Variants in C19orf47 observed in about 807,000 individuals in gnomAD.
C19orf47 encodes uncharacterized protein C19orf47.
A neutral mutation model predicts 32.3 loss-of-function variants in C19orf47; 18 were observed. The observed-to-expected ratio is 0.56, with a 90% CI of 0.39 to 0.83. C19orf47 has a LOEUF of 0.83. Among genes scored for constraint, C19orf47 ranks in the 40% least tolerant of loss-of-function variants. The pLI is 0.00. For missense variants in C19orf47, 484 were observed against 531.6 expected, an observed-to-expected ratio of 0.91 and a Z score of 0.88; for synonymous variants, 202 against 211.1, an observed-to-expected ratio of 0.96 and a Z score of 0.37.
chr19:40,321,738 G>A lies in C19orf47; in HGVS notation c.*144C>T, dbSNP rs187661182. On this transcript the variant is annotated 3_prime_UTR_variant, in exon 9 of 9. Transcript: ENST00000683109. ...GCTAGGAGAAATGGGGTGATCCCCC[G>A]AATGCTCGGGCCTAGCTCTAGAGCC... 24 of 1,431,042 alleles carry A rather than the reference G, an allele frequency of 1.7e-5. No individual in the cohort carries two copies. The highest frequency in any genetic ancestry group is 1.5e-4 in the East Asian group (6 of 39,666). 88.6% of individuals were successfully genotyped at this position (1,431,042 alleles called of 1,614,324 possible).
intron 7 of C19orf47, 142 bp from the exon 8 acceptor site, chr19:40,324,218 A>C: frequency 1.3e-6 from 1 of 793,060 alleles, no homozygotes; most frequent in Non-Finnish European, 2.1e-6. Context: ...TGTTATGTCT[A>C]CACTGTTGGC....
At chr19:40,310,844 G>C in the C19orf47 span, among the ~76,000 whole-genome samples, 1 of 152,076 alleles carries the variant, frequency 6.6e-6, no homozygotes, top group Non-Finnish European at 1.5e-5. Context: ...GATGACTGAC[G>C]GATCCAGAGT....
At chr19:40,296,775 G>A in the C19orf47 span, among the ~76,000 whole-genome samples, 8 of 152,020 alleles carry the variant, frequency 5.3e-5, no homozygotes, top group Middle Eastern at 3.4e-3. Flanking sequence ...TTAGCTGGGC[G>A]TGGTGGCGGG....
chr19:40,331,784 C>A (rs1035754173), intron 5 of C19orf47, among the ~76,000 whole-genome samples: 1 of 152,104 alleles, frequency 6.6e-6, no homozygotes, highest in East Asian at 1.9e-4. Context: ...TGGCTGTAAT[C>A]CCAACACTTT....
intron 1 of C19orf47, among the ~76,000 whole-genome samples, chr19:40,346,574 T>C (rs1394291619): frequency 6.8e-6 from 1 of 147,910 alleles, no homozygotes; most frequent in African/African-American, 2.5e-5. Context: ...TCGCCCAGGC[T>C]GGAGTGCAGT....
chr19:40,328,334 T>G, intron 6 of C19orf47, 79 bp downstream of exon 6: 1 of 1,568,506 alleles, frequency 6.4e-7, no homozygotes, highest in Non-Finnish European at 8.6e-7. Context: ...CTTACAATAT[T>G]GGAAGCATGA....
Position 40,321,427 on chromosome 19 carries a change from G to A in C19orf47, c.*455C>T, listed in dbSNP as rs1202589439. 14 of 998,846 alleles carry A rather than the reference G, an allele frequency of 1.4e-5. No individual in the cohort carries two copies. The highest frequency in any genetic ancestry group is 1.7e-5 in the Non-Finnish European group (14 of 838,226). The allele number at this position is 998,846 out of a possible 1,614,324, so 61.9% of individuals were successfully genotyped here. A position where few individuals can be genotyped will look rare whatever the true frequency, so the allele number is the denominator to read the frequency against. ...AGAGAGAGAAGTCACAGCAGTGGGGGGAGGCGCAGAGGAGTGAGGGAGGTC... is the reference window on the plus strand; with the variant it reads ...AGAGAGAGAAGTCACAGCAGTGGGGAGAGGCGCAGAGGAGTGAGGGAGGTC... On this transcript the variant is annotated 3_prime_UTR_variant, in exon 9 of 9. Coordinates refer to ENST00000683109, the MANE Select transcript of C19orf47 (RefSeq NM_001256441.2).
rs2077832150 is a variant in C19orf47, at chr19:40,326,470, C to T, written c.456G>A (p.Arg152=). ...CAGGAACAGCCAGGCTCTCCTCCTC[C>T]CGGCGGGCCAGGGCTGCTGGGGGAA... is the stretch of plus-strand genomic sequence containing the variant. ...SAKATAALAR[R]EEESLAVPAK... is the part of the protein sequence containing the mutation. The change falls in exon 7 of 9, where the codon CGG becomes CGA. Residue 152 remains arginine, a synonymous_variant. Coordinates refer to ENST00000683109, the MANE Select transcript of C19orf47 (RefSeq NM_001256441.2). 1.9e-6 allele frequency: 3 copies of T among 1,613,722 alleles called. No individual in the cohort carries two copies. The East Asian group carries it at 6.7e-5, about 36-fold the overall frequency.
At chr19:40,339,087 A>G (rs1469055540) in intron 2 of C19orf47, 1 of 152,892 alleles carries the variant, frequency 6.5e-6, no homozygotes, top group Non-Finnish European at 1.5e-5. Context: ...AGCAGTAGGA[A>G]GGGAGAAGGA....
At chr19:40,338,290 C>CACACAA (rs933172431) in intron 2 of C19orf47, among the ~76,000 whole-genome samples, 5 of 135,662 alleles carry the variant, frequency 3.7e-5, no homozygotes, top group Admixed American at 7.4e-5. Flanking sequence ...CACACACACA[C>CACACAA]AAATATATAT....
At chr19:40,302,844 TC>T in the C19orf47 span, among the ~76,000 whole-genome samples, 1 of 152,206 alleles carries the variant, frequency 6.6e-6, no homozygotes, top group Non-Finnish European at 1.5e-5. Context: ...AAGTAAGACT[TC>T]CTTTCCTGAA....
intron 1 of C19orf47, 111 bp downstream of exon 1, chr19:40,348,213 A>T: frequency 1.5e-6 from 1 of 679,062 alleles, no homozygotes; most frequent in African/African-American, 1.9e-5. Context: ...CAAAGAAACA[A>T]ATCGTAAGTC....
chr19:40,315,292 C>CT (rs1600153766), downstream of C19orf47, among the ~76,000 whole-genome samples: 1 of 152,198 alleles, frequency 6.6e-6, no homozygotes, highest in African/African-American at 2.4e-5. Context: ...TTAGGAGTAA[C>CT]TGAGCGTGGG....
At chr19:40,314,881 T>C (rs1004329018), downstream of C19orf47, among the ~76,000 whole-genome samples, 1 of 152,192 alleles carries the variant, frequency 6.6e-6, no homozygotes, top group Admixed American at 6.5e-5. Context: ...GAAATGACAC[T>C]TCCCCTTTGA....
chr19:40,338,037 G>A (rs1568622242), intron 2 of C19orf47, among the ~76,000 whole-genome samples: 8 of 152,012 alleles, frequency 5.3e-5, no homozygotes, highest in East Asian at 1.9e-4. Flanking sequence ...TAGATTAGTG[G>A]TTGCTAGGGG....
intron 5 of C19orf47, 33 bp from the exon 6 acceptor site, chr19:40,328,583 G>C (rs2077884722): frequency 6.3e-7 from 1 of 1,578,740 alleles, no homozygotes; most frequent in Non-Finnish European, 8.6e-7. Flanking sequence ...CGGTCGGGTG[G>C]GGTCCTGGAA....
At chr19:40,312,731 A>G in the C19orf47 span, among the ~76,000 whole-genome samples, 1 of 152,178 alleles carries the variant, frequency 6.6e-6, no homozygotes, top group Non-Finnish European at 1.5e-5. Context: ...TATCTGAGGA[A>G]GTTTTAAGAC....
chr19:40,294,659 T>C, the C19orf47 span, among the ~76,000 whole-genome samples: 2 of 152,220 alleles, frequency 1.3e-5, no homozygotes, highest in African/African-American at 2.4e-5. Flanking sequence ...GAGGTGCTCC[T>C]TGGGTCTTGT....
chr19:40,342,587 G>A (rs974960969), intron 1 of C19orf47: 1 of 152,418 alleles, frequency 6.6e-6, no homozygotes, highest in African/African-American at 2.4e-5. Flanking sequence ...GAGTAAACAA[G>A]CCAAACAGTT....
Sources: allele counts gnomAD v4.1 joint callset (sites outside exome capture counted in the v4.1 genomes callset), GRCh38; gene constraint gnomAD v4.1.1; transcripts MANE v1.5; gene names NCBI Gene and HGNC (gene_info 2026-07-23, HGNC 2026-07-21).